CSTPP1: variants seen among roughly 807,000 people sequenced by gnomAD.
CSTPP1 encodes centriolar satellite-associated tubulin polyglutamylase complex regulator 1, also known as UPF0705 protein C11orf49.
At chr11:47,065,796 T>C in the CSTPP1 span, among the ~76,000 whole-genome samples, 1 of 152,020 alleles carries the variant, frequency 6.6e-6, no homozygotes, top group Non-Finnish European at 1.5e-5. Flanking sequence ...CAGGCTAGAG[T>C]GTAGTGGCGT....
chr11:46,952,485 G>A, the CSTPP1 span, among the ~76,000 whole-genome samples: 3 of 152,180 alleles, frequency 2.0e-5, no homozygotes, highest in African/African-American at 7.2e-5. Flanking sequence ...ACAAAAATCT[G>A]TCATACCTAG....
At chr11:47,155,101 TC>T in the CSTPP1 span, 1 of 992,436 alleles carries the variant, frequency 1.0e-6, no homozygotes, top group Non-Finnish European at 1.6e-6. Flanking sequence ...TTTCCCTTCC[TC>T]CCTCTCCCTC....
chr11:46,988,278 A>G, the CSTPP1 span, among the ~76,000 whole-genome samples: 1 of 152,198 alleles, frequency 6.6e-6, no homozygotes, highest in Non-Finnish European at 1.5e-5. Context: ...TTGTTACAGC[A>G]CTGTTTAGAG....
At chr11:47,095,637 C>T in the CSTPP1 span, among the ~76,000 whole-genome samples, 5 of 152,058 alleles carry the variant, frequency 3.3e-5, no homozygotes, top group Non-Finnish European at 7.4e-5. Flanking sequence ...TTTTCATCAC[C>T]TGCCATATAC....
chr11:47,080,807 G>A, the CSTPP1 span, among the ~76,000 whole-genome samples: 1 of 151,936 alleles, frequency 6.6e-6, no homozygotes, highest in African/African-American at 2.4e-5. Context: ...CTAGGAGTTC[G>A]AGACCAGCCT....
At chr11:46,969,314 T>C in the CSTPP1 span, among the ~76,000 whole-genome samples, 2 of 152,254 alleles carry the variant, frequency 1.3e-5, no homozygotes, top group African/African-American at 2.4e-5. Context: ...TACATTGTTC[T>C]GATTAAAGTA....
chr11:47,114,297 G>T, the CSTPP1 span, among the ~76,000 whole-genome samples: 214 of 152,268 alleles, frequency 1.4e-3, no homozygotes, highest in African/African-American at 5.0e-3. Flanking sequence ...CTCCAGCTTT[G>T]TCCTTTTTGC....
the CSTPP1 span, among the ~76,000 whole-genome samples, chr11:47,117,311 C>G: frequency 6.6e-6 from 1 of 152,182 alleles, no homozygotes; most frequent in Admixed American, 6.5e-5. Context: ...CCTTCAGGAA[C>G]TCTTGTAAGG....
the CSTPP1 span, among the ~76,000 whole-genome samples, chr11:47,138,344 G>A: frequency 6.6e-6 from 1 of 152,152 alleles, no homozygotes. Context: ...CCTTCCACCA[G>A]GTCTCCCTCT....
At chr11:46,966,723 T>C in the CSTPP1 span, among the ~76,000 whole-genome samples, 1 of 152,250 alleles carries the variant, frequency 6.6e-6, no homozygotes, top group Non-Finnish European at 1.5e-5. Flanking sequence ...CTTTCTAGTT[T>C]GTACATAGAA....
chr11:47,124,666 G>A, the CSTPP1 span, among the ~76,000 whole-genome samples: 1 of 152,130 alleles, frequency 6.6e-6, no homozygotes. Flanking sequence ...GCACAGAGTT[G>A]GTATCCAATG....
chr11:46,976,989 C>T, the CSTPP1 span, among the ~76,000 whole-genome samples: 1 of 152,352 alleles, frequency 6.6e-6, no homozygotes, highest in African/African-American at 2.4e-5. Flanking sequence ...GACTGGTCCT[C>T]AGCAAGTTCA....
chr11:46,957,468 A>G, the CSTPP1 span, among the ~76,000 whole-genome samples: 3 of 152,192 alleles, frequency 2.0e-5, no homozygotes, highest in Admixed American at 6.5e-5. Context: ...GATAGTTTAG[A>G]TACATATAAA....
the CSTPP1 span, among the ~76,000 whole-genome samples, chr11:47,158,449 A>T: frequency 5.8e-4 from 88 of 152,038 alleles, no homozygotes; most frequent in African/African-American, 2.1e-3. Context: ...AGCCTTCTCC[A>T]CCCACCCCAC....
chr11:47,010,903 C>T, the CSTPP1 span, among the ~76,000 whole-genome samples: 2 of 151,936 alleles, frequency 1.3e-5, no homozygotes, highest in African/African-American at 2.4e-5. Flanking sequence ...TTGGAAATTG[C>T]CAATAGAGAA....
At chr11:47,161,640 G>T in the CSTPP1 span, 1 of 1,609,950 alleles carries the variant, frequency 6.2e-7, no homozygotes, top group African/African-American at 1.3e-5. Flanking sequence ...GAGACTTGAG[G>T]AGTCCAAAGG....
At chr11:47,064,720 GT>G in the CSTPP1 span, among the ~76,000 whole-genome samples, 380 of 151,980 alleles carry the variant, frequency 2.5e-3, 1 homozygote, top group African/African-American at 8.2e-3. Flanking sequence ...ATAAGTTGGG[GT>G]TTTTTTGTTT....
the CSTPP1 span, among the ~76,000 whole-genome samples, chr11:46,993,083 T>G: frequency 6.6e-6 from 1 of 152,244 alleles, no homozygotes; most frequent in Non-Finnish European, 1.5e-5. Context: ...TTGATGGGGT[T>G]GTTTGATTTT....
chr11:47,004,392 T>G, the CSTPP1 span: 1 of 151,986 alleles, frequency 6.6e-6, no homozygotes, highest in Non-Finnish European at 1.5e-5. Context: ...TTGCTCAAAC[T>G]GGTCTTGAAC....
Sources: allele counts gnomAD v4.1 joint callset (sites outside exome capture counted in the v4.1 genomes callset), GRCh38; gene constraint gnomAD v4.1.1; transcripts MANE v1.5; gene names NCBI Gene and HGNC (gene_info 2026-07-23, HGNC 2026-07-21).